The following CLIC5 variants were observed in gnomAD, a reference collection of about 807,000 sequenced individuals.
CLIC5 encodes CLIC family member 5, also known as chloride intracellular channel protein 5.
A neutral mutation model predicts 24.7 loss-of-function variants in CLIC5; 20 were observed. The ratio of observed to expected loss-of-function variants is 0.81; its 90% CI spans 0.57 to 1.18. CLIC5 has a LOEUF of 1.18. Ranked by LOEUF, CLIC5 falls within the 50% of genes most tolerant of loss-of-function variation. CLIC5 has a pLI of 0.00. For synonymous variants in CLIC5, 159 were observed against 135.6 expected, an observed-to-expected ratio of 1.17 and a Z score of -1.20; for missense variants, 341 against 326.1, an observed-to-expected ratio of 1.05 and a Z score of -0.35.
At chr6:45,929,239 A>T (rs3777563) in intron 4 of CLIC5, among the ~76,000 whole-genome samples, 1 of 152,202 alleles carries the variant, frequency 6.6e-6, no homozygotes, top group African/African-American at 2.4e-5. Flanking sequence ...AATTGGAAGC[A>T]TCCACCTCAA....
At chr6:46,102,267 A>G in the CLIC5 span, among the ~76,000 whole-genome samples, 1 of 152,216 alleles carries the variant, frequency 6.6e-6, no homozygotes, top group Admixed American at 6.5e-5. Flanking sequence ...CAATAAGGGT[A>G]TGATCTAATG....
At chr6:45,881,029 T>G (rs188976721) in exon 7 of CLIC5, 2 of 396,218 alleles carry the variant, frequency 5.0e-6, no homozygotes, top group Admixed American at 4.4e-5. Flanking sequence ...AACTCTTAGG[T>G]TTTTTTTTCT....
At chr6:46,023,888 T>C (rs1312095049) in intron 1 of CLIC5, among the ~76,000 whole-genome samples, 1 of 145,120 alleles carries the variant, frequency 6.9e-6, no homozygotes, top group Non-Finnish European at 1.5e-5. Flanking sequence ...TATAACAAAA[T>C]TCAAAAAAAA....
intron 1 of CLIC5, among the ~76,000 whole-genome samples, chr6:45,971,303 A>G (rs1440846785): frequency 1.3e-5 from 2 of 152,248 alleles, no homozygotes; most frequent in African/African-American, 4.8e-5. Flanking sequence ...AATCGTTGAC[A>G]ATCAACAAAG....
At chr6:45,981,309 A>G (rs1193096101) in intron 1 of CLIC5, among the ~76,000 whole-genome samples, 1 of 151,888 alleles carries the variant, frequency 6.6e-6, no homozygotes, top group African/African-American at 2.4e-5. Flanking sequence ...ACACGTGCTT[A>G]CTAGATGAGT....
intron 1 of CLIC5, among the ~76,000 whole-genome samples, chr6:46,012,007 C>A (rs1301479178): frequency 2.6e-5 from 4 of 152,178 alleles, no homozygotes; most frequent in Non-Finnish European, 5.9e-5. Context: ...TTTCAATTTA[C>A]AAAGTGTTTT....
chr6:45,984,271 C>T (rs927325213), intron 1 of CLIC5, among the ~76,000 whole-genome samples: 1 of 152,138 alleles, frequency 6.6e-6, no homozygotes, highest in African/African-American at 2.4e-5. Flanking sequence ...AATTAATTCT[C>T]GAGTACTTTC....
intron 6 of CLIC5, among the ~76,000 whole-genome samples, chr6:45,891,566 G>A (rs1391360060): frequency 9.4e-6 from 1 of 106,128 alleles, no homozygotes; most frequent in East Asian, 3.2e-4. Context: ...AACCCGGGAG[G>A]CAGAGGTTCA....
At chr6:46,008,350 T>C (rs1489026543) in intron 1 of CLIC5, among the ~76,000 whole-genome samples, 2 of 152,202 alleles carry the variant, frequency 1.3e-5, no homozygotes, top group Admixed American at 1.3e-4. Flanking sequence ...CTCTGAATCC[T>C]GATCATTCTT....
chr6:45,985,662 G>A (rs769604246), intron 1 of CLIC5, among the ~76,000 whole-genome samples: 16 of 152,032 alleles, frequency 1.1e-4, no homozygotes, highest in Non-Finnish European at 1.9e-4. Context: ...CCTAATGCAC[G>A]CGAAGTTGGG....
At chr6:45,908,235 T>C (rs958122798) in intron 5 of CLIC5, among the ~76,000 whole-genome samples, 2 of 152,306 alleles carry the variant, frequency 1.3e-5, no homozygotes, top group Admixed American at 1.3e-4. Context: ...TTTGGTTTCA[T>C]TGATTCTTTG....
At chr6:45,930,526 T>C (rs1763692915) in intron 4 of CLIC5, among the ~76,000 whole-genome samples, 1 of 152,196 alleles carries the variant, frequency 6.6e-6, no homozygotes, top group African/African-American at 2.4e-5. Flanking sequence ...TAGATAAAAC[T>C]GAATCTTTGT....
At chr6:46,095,571 G>A in the CLIC5 span, among the ~76,000 whole-genome samples, 1 of 152,192 alleles carries the variant, frequency 6.6e-6, no homozygotes, top group African/African-American at 2.4e-5. Context: ...GGGGAACAAT[G>A]CAGCCAACCT....
At chr6:46,012,902 T>C (rs1766855409) in intron 1 of CLIC5, among the ~76,000 whole-genome samples, 1 of 152,252 alleles carries the variant, frequency 6.6e-6, no homozygotes, top group Non-Finnish European at 1.5e-5. Context: ...CCTTATAAAG[T>C]TGCTGATGAT....
At chr6:46,084,983 T>C (rs1458113828), upstream of CLIC5, among the ~76,000 whole-genome samples, 2 of 152,218 alleles carry the variant, frequency 1.3e-5, no homozygotes, top group African/African-American at 4.8e-5. Flanking sequence ...CTTTTTATTC[T>C]TTTTTCTCTA....
rs193039638 is a variant in CLIC5 at position 46,077,763 on chromosome 6, G to T, written c.540+1940C>A. On this transcript the variant is annotated intron_variant, in intron 1 of 5. Coordinates refer to the CLIC5 transcript ENST00000185206. ...ATGCTAAAAAGAATGTAAACTTAAA[G>T]AGTTAAATCTAATATTTGCTTTAGG... is the stretch of plus-strand genomic sequence containing the variant. Among the ~76,000 whole-genome samples the T allele has an allele frequency of 3.8e-4, 58 of 152,308 alleles. No homozygotes were observed. In the East Asian group the frequency reaches 9.4e-3, roughly 25 times the overall value.
Position 45,956,332 on chromosome 6 carries a change from G to A in CLIC5, c.64-1088C>T, listed in dbSNP as rs1317753222. On this transcript the variant is annotated intron_variant, in intron 1 of 5. Coordinates refer to ENST00000339561, the MANE Select transcript of CLIC5 (RefSeq NM_016929.5). Reference sequence around the variant, plus strand: ...TTTGCTCCAGACTCTGATGTTGGCTGCCCTGGAAACCATGGCCCCCGCAGG... The same window carrying A: ...TTTGCTCCAGACTCTGATGTTGGCTACCCTGGAAACCATGGCCCCCGCAGG... Among the ~76,000 whole-genome samples the A allele has an allele frequency of 2.6e-5, 4 of 152,166 alleles. No homozygotes were observed. In the East Asian group the frequency reaches 7.7e-4, roughly 29 times the overall value.
At chr6:46,128,094 T>C in the CLIC5 span, among the ~76,000 whole-genome samples, 1 of 152,194 alleles carries the variant, frequency 6.6e-6, no homozygotes, top group Admixed American at 6.5e-5. Context: ...TATAACAGGA[T>C]TTTGGTTGTG....
chr6:46,120,760 A>G, the CLIC5 span, among the ~76,000 whole-genome samples: 78 of 152,364 alleles, frequency 5.1e-4, no homozygotes, highest in African/African-American at 1.7e-3. Flanking sequence ...GCTGAAAACC[A>G]TGGCACGAGA....
Sources: gnomAD v4.1 joint callset for allele counts (sites outside exome capture counted in the v4.1 genomes callset) on GRCh38, gnomAD v4.1.1 for gene constraint, MANE v1.5 for transcripts, NCBI Gene and HGNC (gene_info 2026-07-23, HGNC 2026-07-21) for gene names.